Variants in APBB1IP observed in about 807,000 individuals in gnomAD.
The protein encoded by APBB1IP is amyloid beta A4 precursor protein-binding family B member 1-interacting protein.
APBB1IP carries 27 observed loss-of-function variants against 64.9 expected under a neutral mutation model. That is an observed-to-expected ratio of 0.42 (90% confidence interval 0.31 to 0.57). The LOEUF (loss-of-function observed/expected upper bound fraction) is 0.57, where lower values mean the gene tolerates loss of function less well. Among genes scored for constraint, APBB1IP ranks in the 20% least tolerant of loss-of-function variants. The pLI is 0.20. For missense variants in APBB1IP, 812 were observed against 845.5 expected, an observed-to-expected ratio of 0.96 and a Z score of 0.49; for synonymous variants, 392 against 331.0, an observed-to-expected ratio of 1.18 and a Z score of -2.00.
intron 6 of APBB1IP, among the ~76,000 whole-genome samples, chr10:26,504,722 T>TA (rs1179855764): frequency 1.4e-3 from 202 of 147,658 alleles, no homozygotes; most frequent in African/African-American, 4.1e-3. Context: ...AAAAAAAAAT[T>TA]AAAAAAAAAA....
intron 2 of APBB1IP, among the ~76,000 whole-genome samples, chr10:26,484,745 T>C (rs1325577353): frequency 6.6e-6 from 1 of 152,216 alleles, no homozygotes. Context: ...ATCTTTTAGT[T>C]TTAAGTGCAT....
intron 8 of APBB1IP, among the ~76,000 whole-genome samples, chr10:26,528,270 T>C (rs1371917731): frequency 1.3e-5 from 2 of 152,188 alleles, no homozygotes; most frequent in Non-Finnish European, 2.9e-5. Context: ...GATGGTCTGA[T>C]CTTCACTCAG....
At chr10:26,443,143 C>G (rs990270598) in intron 2 of APBB1IP, among the ~76,000 whole-genome samples, 9 of 152,032 alleles carry the variant, frequency 5.9e-5, no homozygotes, top group Admixed American at 3.3e-4. Context: ...AATATGTGGC[C>G]GGGCGTGGTG....
At position 26,562,380 on chromosome 10, in the gene APBB1IP, C is replaced by T. The variant is rs1470279792; in HGVS notation, c.1424C>T (p.Ser475Phe). 2 of 1,614,056 alleles carry T rather than the reference C, an allele frequency of 1.2e-6. No homozygotes were observed. The highest frequency in any genetic ancestry group is 1.7e-6 in the Non-Finnish European group (2 of 1,179,942). Residue 475 changes from serine (S) to phenylalanine (F), a missense_variant, in exon 14 of 15, where the codon TCT (serine) becomes TTT (phenylalanine). Transcript: ENST00000376236. ...GGACAGATTCCCCAGGCTACACATTCTGTCAGTGCTGTTCTCCAAGAGGCC... is the reference window on the plus strand; with the variant it reads ...GGACAGATTCCCCAGGCTACACATTTTGTCAGTGCTGTTCTCCAAGAGGCC... ...PNGQIPQATH[S>F]VSAVLQEAQR...
chr10:26,508,339 T>A (rs1233102624), intron 6 of APBB1IP, among the ~76,000 whole-genome samples: 1 of 151,410 alleles, frequency 6.6e-6, no homozygotes, highest in South Asian at 2.1e-4. Flanking sequence ...ATTGTTTTTT[T>A]AAAAATGCCC....
At chr10:26,525,445 T>C (rs750165236) in intron 8 of APBB1IP, among the ~76,000 whole-genome samples, 90 of 152,166 alleles carry the variant, frequency 5.9e-4, no homozygotes, top group Non-Finnish European at 1.2e-3. Flanking sequence ...GTTCTAGGGG[T>C]ATCAGCCATG....
At position 26,525,453 on chromosome 10, in the gene APBB1IP, A is replaced by T. The variant is rs137967535; in HGVS notation, c.814-7986A>T. The stretch of plus-strand genomic sequence containing the variant: ...CTCTCTTGTTCTAGGGGTATCAGCC[A>T]TGACCTCTGCAATGGGTGAGGAAAA... On this transcript the variant is annotated intron_variant, in intron 8 of 14. Coordinates refer to ENST00000376236, the MANE Select transcript of APBB1IP (RefSeq NM_019043.4). 9.6e-3 allele frequency among the ~76,000 whole-genome samples: 1,469 copies of T among 152,244 alleles called. 20 individuals carry two copies. The highest frequency in any genetic ancestry group is 0.034 in the African/African-American group (1,397 of 41,538).
intron 9 of APBB1IP, 25 bp from the exon 10 acceptor site, chr10:26,536,049 T>G (rs774569582): frequency 6.4e-7 from 1 of 1,567,738 alleles, no homozygotes; most frequent in East Asian, 2.3e-5. Context: ...GTGTGTGTCT[T>G]ATGTCGTCGG....
Position 26,438,467 on chromosome 10 carries a change from C to A in APBB1IP, c.-203+12C>A, listed in dbSNP as rs1429750079. The stretch of plus-strand genomic sequence containing the variant: ...CGCGCGCGGCACAGGTAGGGGGAGG[C>A]GCAACGTTTCCCAGAATTAAAATAA... On this transcript the variant is annotated intron_variant, in intron 1 of 14. Coordinates refer to ENST00000376236, the MANE Select transcript of APBB1IP (RefSeq NM_019043.4). The A allele has an allele frequency of 2.4e-5, 1 of 41,126 alleles. No individual in the cohort carries two copies. The highest frequency in any genetic ancestry group is 7.1e-5 in the African/African-American group (1 of 14,160). 2.5% of individuals were successfully genotyped at this position (41,126 alleles called of 1,614,324 possible).
chr10:26,459,703 G>A (rs1489425470), intron 2 of APBB1IP, among the ~76,000 whole-genome samples: 1 of 151,836 alleles, frequency 6.6e-6, no homozygotes, highest in African/African-American at 2.4e-5. Flanking sequence ...TACTTAAGGA[G>A]TTTTTTTTAA....
In APBB1IP at chr10:26,553,604, G is replaced by A. The variant is rs538771291; in HGVS notation, c.1156-6501G>A. ...GCCCAGGCGTTGGAAGTTGCAGGGAGCCATGATTGCACCACTGCACTCCAG... is the reference window on the plus strand; with the variant it reads ...GCCCAGGCGTTGGAAGTTGCAGGGAACCATGATTGCACCACTGCACTCCAG... On this transcript the variant is annotated intron_variant, in intron 11 of 14. Transcript: ENST00000376236. 2.0e-5 allele frequency among the ~76,000 whole-genome samples: 3 copies of A among 152,278 alleles called. No homozygotes were observed. In the East Asian group the frequency reaches 5.8e-4, roughly 30 times the overall value.
At chr10:26,494,536 A>ATTCTAGAC (rs1379615579) in intron 3 of APBB1IP, among the ~76,000 whole-genome samples, 2 of 152,202 alleles carry the variant, frequency 1.3e-5, no homozygotes, top group Non-Finnish European at 2.9e-5. Flanking sequence ...GAAAAAATAA[A>ATTCTAGAC]CCAATTCTAG....
At chr10:26,441,472 C>T (rs1330528043) in intron 2 of APBB1IP, among the ~76,000 whole-genome samples, 1 of 152,142 alleles carries the variant, frequency 6.6e-6, no homozygotes, top group Non-Finnish European at 1.5e-5. Flanking sequence ...CTGAGGACAG[C>T]TTTTGGGGGA....
chr10:26,475,660 A>C (rs1835767147), intron 2 of APBB1IP, among the ~76,000 whole-genome samples: 1 of 152,206 alleles, frequency 6.6e-6, no homozygotes, highest in African/African-American at 2.4e-5. Flanking sequence ...ACTCCTGACC[A>C]CAAGCTCCTC....
chr10:26,457,886 A>G (rs1261640978), intron 2 of APBB1IP, among the ~76,000 whole-genome samples: 2 of 152,272 alleles, frequency 1.3e-5, no homozygotes, highest in South Asian at 2.1e-4. Flanking sequence ...AATCTGGATC[A>G]TAGCTACAAT....
chr10:26,466,425 TGTGA>T (rs1835649022), intron 2 of APBB1IP, among the ~76,000 whole-genome samples: 1 of 152,196 alleles, frequency 6.6e-6, no homozygotes, highest in African/African-American at 2.4e-5. Flanking sequence ...ATCATTACAC[TGTGA>T]GTATGTTTCT....
intron 8 of APBB1IP, among the ~76,000 whole-genome samples, chr10:26,523,702 C>T (rs927216178): frequency 6.6e-6 from 1 of 152,038 alleles, no homozygotes; most frequent in African/African-American, 2.4e-5. Context: ...GCCACAGTGG[C>T]TCACATCTGC....
intron 2 of APBB1IP, among the ~76,000 whole-genome samples, chr10:26,464,606 G>C (rs143904326): frequency 4.6e-5 from 7 of 152,060 alleles, no homozygotes; most frequent in Non-Finnish European, 1.0e-4. Flanking sequence ...ACAGGTTCTT[G>C]TTGTGTTGCC....
At chr10:26,440,604 T>G (rs1479997673) in intron 2 of APBB1IP, among the ~76,000 whole-genome samples, 1 of 152,220 alleles carries the variant, frequency 6.6e-6, no homozygotes, top group East Asian at 1.9e-4. Flanking sequence ...TTTAAATTGC[T>G]ATTTCTCAAG....
Sources: gnomAD v4.1 joint callset for allele counts (sites outside exome capture counted in the v4.1 genomes callset) on GRCh38, gnomAD v4.1.1 for gene constraint, MANE v1.5 for transcripts, NCBI Gene and HGNC (gene_info 2026-07-23, HGNC 2026-07-21) for gene names.